The following DECR1 variants were observed in gnomAD, a reference collection of about 807,000 sequenced individuals.
DECR1 encodes 2,4-dienoyl-CoA reductase [(3E)-enoyl-CoA-producing], mitochondrial.
DECR1 carries 44 observed loss-of-function variants against 38.8 expected under a neutral mutation model. The observed-to-expected ratio is 1.13, with a 90% CI of 0.89 to 1.46. The LOEUF (loss-of-function observed/expected upper bound fraction) is 1.46. Among genes scored for constraint, DECR1 ranks in the 40% most tolerant of loss-of-function variants. DECR1 has a pLI of 0.00. For missense variants in DECR1, 428 were observed against 405.5 expected (o/e 1.06, Z -0.48); for synonymous variants, 148 against 135.2 (o/e 1.09, Z -0.66).
Position 90,020,950 on chromosome 8 carries a change from TGAAA to T in DECR1, c.462_465del (p.Glu154AspfsTer10). 1 of 1,589,338 alleles carries T rather than the reference TGAAA, an allele frequency of 6.3e-7. No homozygotes were observed. Among genetic ancestry groups the T allele is most frequent in the East Asian group, 2.3e-5 (1 of 43,352 alleles). On this transcript the variant is annotated frameshift_variant, in exon 5 of 10. Transcript: ENST00000220764. LOFTEE classifies it high-confidence loss of function. ...CAGCAGGGAATTTTATTTCTCCTAC[TGAAA>T]GACTTTCTCCTAATGCTTGGAAAAC...
At chr8:90,011,180 A>G (rs1444865782) in intron 1 of DECR1, among the ~76,000 whole-genome samples, 1 of 152,226 alleles carries the variant, frequency 6.6e-6, no homozygotes, top group Non-Finnish European at 1.5e-5. Flanking sequence ...CACTTAACAC[A>G]TAGTGTCTCA....
intron 6 of DECR1, 176 bp from the exon 7 acceptor site, chr8:90,042,552 A>G (rs1734021242): frequency 1.6e-6 from 1 of 606,808 alleles, no homozygotes; most frequent in Non-Finnish European, 2.9e-6. Context: ...AGAGAAAATG[A>G]TTTAACCTCT....
intron 1 of DECR1, among the ~76,000 whole-genome samples, chr8:90,011,064 T>C (rs1047202475): frequency 1.2e-4 from 18 of 152,230 alleles, no homozygotes; most frequent in Non-Finnish European, 4.4e-5. Flanking sequence ...TGTGGATACT[T>C]CTGACAGTTT....
At chr8:90,030,852 G>A (rs1159580198) in intron 5 of DECR1, among the ~76,000 whole-genome samples, 1 of 152,110 alleles carries the variant, frequency 6.6e-6, no homozygotes, top group Non-Finnish European at 1.5e-5. Context: ...AATTTATTAA[G>A]GTGGTATTAG....
intron 5 of DECR1, among the ~76,000 whole-genome samples, chr8:90,023,436 T>A (rs920190948): frequency 2.0e-5 from 3 of 152,082 alleles, no homozygotes; most frequent in African/African-American, 7.2e-5. Flanking sequence ...GTAATACTGT[T>A]GGTGAAAAAA....
At chr8:90,003,365 C>G (rs1812663647) in intron 1 of DECR1, 1 of 152,116 alleles carries the variant, frequency 6.6e-6, no homozygotes, top group Admixed American at 6.6e-5. Context: ...GCTAATAGGC[C>G]TCATTTCAAT....
intron 5 of DECR1, chr8:90,030,319 A>T (rs575779968): frequency 6.6e-6 from 1 of 152,296 alleles, no homozygotes; most frequent in East Asian, 1.9e-4. Context: ...ACTTAAAAAC[A>T]TGCTACATCT....
chr8:90,049,165 A>T (rs1005138554), intron 8 of DECR1, among the ~76,000 whole-genome samples: 1 of 152,218 alleles, frequency 6.6e-6, no homozygotes, highest in African/African-American at 2.4e-5. Flanking sequence ...ATAGTGTTGG[A>T]AGTTCTGGTC....
chr8:90,026,958 T>A (rs1468595085), intron 5 of DECR1, among the ~76,000 whole-genome samples: 2 of 152,224 alleles, frequency 1.3e-5, no homozygotes, highest in African/African-American at 4.8e-5. Context: ...CATCTTTATT[T>A]CTGCTTTCAT....
Position 90,017,324 on chromosome 8 carries a change from C to T in DECR1, c.270C>T (p.Ser90=). 1 of 1,612,954 alleles carries T rather than the reference C, an allele frequency of 6.2e-7. No individual in the cohort carries two copies. Among genetic ancestry groups the T allele is most frequent in the Non-Finnish European group, 8.5e-7 (1 of 1,179,484 alleles). ...TAGGTGCTCAGTGCGTGATAGCCAG[C>T]CGGTAAGTCCCTTACATCAAGCCTA... The part of the protein sequence containing the change: ...SSLGAQCVIA[S]RKMDVLKATA... The change falls in exon 2 of 10, where the codon AGC becomes AGT. Residue 90 remains serine, a splice_region_variant and synonymous_variant. Transcript: ENST00000220764.
Position 90,052,857 on chromosome 8 carries a change from A to AGACT in DECR1, c.*965_*968dup, listed in dbSNP as rs1218200380. On this transcript the variant is annotated 3_prime_UTR_variant, in exon 10 of 10. Coordinates refer to ENST00000220764, the MANE Select transcript of DECR1 (RefSeq NM_001359.2). Reference sequence around the variant, plus strand: ...AGGAGTCAGTTACAACATGTTCACTAGACTGACTATCCCCATTGCCCAAGT... The same window carrying AGACT: ...AGGAGTCAGTTACAACATGTTCACTAGACTGACTGACTATCCCCATTGCCCAAGT... Among the ~76,000 whole-genome samples, 1 of 152,202 alleles carries AGACT rather than the reference A, an allele frequency of 6.6e-6. No homozygotes were observed. The highest frequency in any genetic ancestry group is 2.4e-5 in the African/African-American group (1 of 41,456).
intron 1 of DECR1, chr8:90,005,901 G>A (rs1812726042): frequency 1.3e-5 from 5 of 370,382 alleles, no homozygotes; most frequent in African/African-American, 4.1e-5. Flanking sequence ...GGGAGGTGCC[G>A]GCAAGAGAGG....
chr8:90,021,432 T>C (rs929500688), intron 5 of DECR1, among the ~76,000 whole-genome samples: 1 of 152,100 alleles, frequency 6.6e-6, no homozygotes, highest in Non-Finnish European at 1.5e-5. Context: ...TAGGGAATGA[T>C]GAAAACTTTG....
At chr8:90,033,387 C>T (rs1045345294) in intron 5 of DECR1, among the ~76,000 whole-genome samples, 1 of 152,118 alleles carries the variant, frequency 6.6e-6, no homozygotes, top group African/African-American at 2.4e-5. Context: ...AATATAGATT[C>T]ATTTCTGTTG....
intron 8 of DECR1, 64 bp from the exon 9 acceptor site, chr8:90,051,613 G>T: frequency 2.3e-6 from 3 of 1,311,760 alleles, no homozygotes; most frequent in African/African-American, 2.9e-5. Flanking sequence ...TGGGAAAATG[G>T]CTAGTGGTTC....
Position 90,012,193 on chromosome 8 carries a change from C to T in DECR1, c.70-4931C>T, listed in dbSNP as rs141931031. ...TTTAAGAGGGAGTCTTGTTCCGTTG[C>T]CCAGGCTGGAGTGTGGTGGCACGAT... On this transcript the variant is annotated intron_variant, in intron 1 of 9. Coordinates refer to ENST00000220764, the MANE Select transcript of DECR1 (RefSeq NM_001359.2). Among the ~76,000 whole-genome samples the T allele has an allele frequency of 5.9e-4, 89 of 151,020 alleles. 1 individual carries two copies. The East Asian group carries it at 0.016, about 28-fold the overall frequency.
intron 5 of DECR1, among the ~76,000 whole-genome samples, chr8:90,030,261 G>T (rs575669822): frequency 4.5e-4 from 69 of 152,068 alleles, no homozygotes; most frequent in Non-Finnish European, 9.0e-4. Context: ...GTTTCTAACT[G>T]GCCATAGACT....
intron 5 of DECR1, among the ~76,000 whole-genome samples, chr8:90,025,216 G>A (rs530929602): frequency 2.0e-5 from 3 of 148,392 alleles, no homozygotes; most frequent in Admixed American, 6.8e-5. Flanking sequence ...CTCTTTTTTG[G>A]TTCCATATGA....
chr8:90,007,669 A>G (rs1270168553), intron 1 of DECR1, among the ~76,000 whole-genome samples: 1 of 152,234 alleles, frequency 6.6e-6, no homozygotes, highest in African/African-American at 2.4e-5. Flanking sequence ...ATTACAAAAA[A>G]TAATCTAGAT....
Sources: allele counts gnomAD v4.1 joint callset (sites outside exome capture counted in the v4.1 genomes callset), GRCh38; gene constraint gnomAD v4.1.1; transcripts MANE v1.5; gene names NCBI Gene and HGNC (gene_info 2026-07-23, HGNC 2026-07-21).